Variants in SNTB1 observed in about 807,000 individuals in gnomAD.
SNTB1 encodes beta-1-syntrophin.
A neutral mutation model predicts 48.9 loss-of-function variants in SNTB1; 36 were observed. The observed-to-expected ratio is 0.74, with a 90% CI of 0.56 to 0.97. The LOEUF is 0.97. SNTB1 is among the 50% of genes least tolerant of loss of function. The probability of loss-of-function intolerance (pLI) is 0.00; values close to 1 mark genes in which losing one functional copy is unlikely to be tolerated. For missense variants in SNTB1, 786 were observed against 703.4 expected (o/e 1.12, Z -1.33); for synonymous variants, 299 against 294.6 (o/e 1.01, Z -0.15).
At chr8:120,560,468 G>C (rs1815633281) in intron 4 of SNTB1, among the ~76,000 whole-genome samples, 1 of 152,168 alleles carries the variant, frequency 6.6e-6, no homozygotes, top group Admixed American at 6.5e-5. Context: ...GGGCGACAGA[G>C]CGAGACTTCG....
intron 1 of SNTB1, among the ~76,000 whole-genome samples, chr8:120,787,179 A>G (rs1343458544): frequency 6.6e-6 from 1 of 152,218 alleles, no homozygotes; most frequent in Non-Finnish European, 1.5e-5. Context: ...ACCTATAAAC[A>G]TTAAAGTCAC....
intron 2 of SNTB1, 43 bp downstream of exon 2, chr8:120,693,649 C>T (rs547944918): frequency 1.9e-5 from 30 of 1,562,524 alleles, no homozygotes; most frequent in Admixed American, 8.4e-5. Context: ...CCTGAGAGGC[C>T]GAGGAGCTGC....
At chr8:120,584,438 CAAAAAAA>C (rs11443743) in intron 3 of SNTB1, among the ~76,000 whole-genome samples, 2 of 57,072 alleles carry the variant, frequency 3.5e-5, no homozygotes, top group African/African-American at 8.1e-5. Flanking sequence ...AACTCCATCT[CAAAAAAA>C]AAAAAAAAAA....
chr8:120,587,259 A>T (rs1482073326), intron 3 of SNTB1, among the ~76,000 whole-genome samples: 27 of 146,662 alleles, frequency 1.8e-4, no homozygotes, highest in Non-Finnish European at 3.1e-5. Flanking sequence ...CAAACAAAAA[A>T]ACCCAACAAC....
At chr8:120,703,210 C>T (rs1205523951) in intron 1 of SNTB1, among the ~76,000 whole-genome samples, 4 of 152,130 alleles carry the variant, frequency 2.6e-5, no homozygotes, top group East Asian at 1.9e-4. Context: ...CTGCAACCTC[C>T]GCCTCCTGGG....
At chr8:120,668,907 A>G (rs34510632) in intron 2 of SNTB1, among the ~76,000 whole-genome samples, 37,326 of 152,084 alleles carry the variant, frequency 0.25, 4,990 homozygotes, top group Middle Eastern at 0.32. Context: ...CTATTACTCT[A>G]TTCCCATAAC....
chr8:120,566,438 A>C (rs1815750499), intron 4 of SNTB1, among the ~76,000 whole-genome samples: 1 of 151,998 alleles, frequency 6.6e-6, no homozygotes, highest in South Asian at 2.1e-4. Context: ...CATCTATGGA[A>C]CCGAGAACAC....
intron 3 of SNTB1, among the ~76,000 whole-genome samples, chr8:120,622,467 G>C (rs1816809107): frequency 6.6e-6 from 1 of 152,078 alleles, no homozygotes; most frequent in Admixed American, 6.5e-5. Context: ...TTGCATAGCA[G>C]CCCAGTACTA....
At chr8:120,614,419 T>A (rs1816675262) in intron 3 of SNTB1, among the ~76,000 whole-genome samples, 1 of 152,212 alleles carries the variant, frequency 6.6e-6, no homozygotes, top group South Asian at 2.1e-4. Context: ...TCTGGCATAT[T>A]ATGTCTTTCA....
Position 120,539,010 on chromosome 8 carries a change from A to G in SNTB1, c.1525-41T>C, listed in dbSNP as rs375294683. 7 of 1,492,556 alleles carry G rather than the reference A, an allele frequency of 4.7e-6. No homozygotes were observed. The East Asian group carries it at 6.8e-5, about 14-fold the overall frequency. The allele number at this position is 1,492,556 out of a possible 1,614,324, so 92.5% of individuals were successfully genotyped here. Reference sequence around the variant, plus strand: ...AAGAGAGCATGAGCGATTTTAAATTAATGCTTGATGTAGATGGGTGATTTG... The same window carrying G: ...AAGAGAGCATGAGCGATTTTAAATTGATGCTTGATGTAGATGGGTGATTTG... On this transcript the variant is annotated intron_variant, in intron 6 of 6. Coordinates refer to ENST00000517992, the MANE Select transcript of SNTB1 (RefSeq NM_021021.4).
At chr8:120,586,800 C>T (rs1455469799) in intron 3 of SNTB1, among the ~76,000 whole-genome samples, 1 of 152,136 alleles carries the variant, frequency 6.6e-6, no homozygotes, top group East Asian at 1.9e-4. Flanking sequence ...ATGGAATTTG[C>T]TTTAAAATCC....
intron 4 of SNTB1, among the ~76,000 whole-genome samples, chr8:120,574,329 TA>T (rs1447491508): frequency 6.6e-6 from 1 of 152,192 alleles, no homozygotes; most frequent in Non-Finnish European, 1.5e-5. Flanking sequence ...ATTATATACC[TA>T]AAACGTTGCT....
chr8:120,666,415 T>A, intron 2 of SNTB1, among the ~76,000 whole-genome samples: 1 of 152,242 alleles, frequency 6.6e-6, no homozygotes, highest in East Asian at 1.9e-4. Flanking sequence ...GCCTGCTCAT[T>A]TGCATTGCTT....
chr8:120,704,583 C>G (rs1818352195), intron 1 of SNTB1, among the ~76,000 whole-genome samples: 1 of 152,072 alleles, frequency 6.6e-6, no homozygotes, highest in Non-Finnish European at 1.5e-5. Flanking sequence ...TAAAAAGAGG[C>G]TGGAACTACC....
intron 4 of SNTB1, among the ~76,000 whole-genome samples, chr8:120,549,556 G>A (rs950652061): frequency 4.6e-5 from 7 of 152,120 alleles, no homozygotes; most frequent in African/African-American, 1.7e-4. Context: ...TGCACTTTAG[G>A]GGAGATTTTC....
intron 1 of SNTB1, among the ~76,000 whole-genome samples, chr8:120,704,320 G>A (rs1325578744): frequency 2.0e-5 from 3 of 152,026 alleles, no homozygotes; most frequent in Non-Finnish European, 2.9e-5. Context: ...TCCAGGCATG[G>A]TGGTGCACAC....
intron 4 of SNTB1, among the ~76,000 whole-genome samples, chr8:120,557,392 GT>G (rs1815582386): frequency 6.6e-6 from 1 of 152,190 alleles, no homozygotes; most frequent in African/African-American, 2.4e-5. Flanking sequence ...CCAAGATGAA[GT>G]AAGTGCCCTT....
chr8:120,732,491 T>A (rs1818869076), intron 1 of SNTB1, among the ~76,000 whole-genome samples: 1 of 152,212 alleles, frequency 6.6e-6, no homozygotes, highest in Non-Finnish European at 1.5e-5. Context: ...TTACTTCAGT[T>A]AAGAGTTAAT....
At chr8:120,777,648 T>G (rs1819758355) in intron 1 of SNTB1, among the ~76,000 whole-genome samples, 1 of 152,208 alleles carries the variant, frequency 6.6e-6, no homozygotes, top group Non-Finnish European at 1.5e-5. Flanking sequence ...ATTAAGTACT[T>G]TGCAAGCCAC....
Sources: allele counts gnomAD v4.1 joint callset (sites outside exome capture counted in the v4.1 genomes callset), GRCh38; gene constraint gnomAD v4.1.1; transcripts MANE v1.5; gene names NCBI Gene and HGNC (gene_info 2026-07-23, HGNC 2026-07-21).